Variants in STARD8 observed in about 807,000 individuals in gnomAD.
The protein encoded by STARD8 is StAR related lipid transfer domain containing 8.
STARD8 carries 25 observed loss-of-function variants against 69.4 expected under a neutral mutation model. The ratio of observed to expected loss-of-function variants is 0.36; its 90% CI spans 0.26 to 0.50. The LOEUF (loss-of-function observed/expected upper bound fraction) is 0.50. Among genes scored for constraint, STARD8 ranks in the 20% least tolerant of loss-of-function variants. STARD8 has a pLI of 0.96. For missense variants in STARD8, 921 were observed against 932.5 expected (o/e 0.99, Z 0.16); for synonymous variants, 389 against 374.6 (o/e 1.04, Z -0.45).
intron 1 of STARD8, among the ~76,000 whole-genome samples, chrX:68,659,965 C>T (rs2079633975): frequency 9.0e-6 from 1 of 110,859 alleles, no homozygotes; most frequent in African/African-American, 3.3e-5. Flanking sequence ...ATCAGCATTC[C>T]TTAGGCTATA....
chrX:68,680,743 G>T (rs1395171781), intron 2 of STARD8, among the ~76,000 whole-genome samples: 1 of 110,750 alleles, frequency 9.0e-6, no homozygotes. Context: ...GTGGGGGTGG[G>T]GGCCGCTGTA....
chrX:68,692,981 G>A (rs980778476), intron 2 of STARD8, among the ~76,000 whole-genome samples: 1 of 113,237 alleles, frequency 8.8e-6, no homozygotes, highest in African/African-American at 3.2e-5. Context: ...AGGCCAGAGA[G>A]AAATCAAAGC....
At chrX:68,695,000 G>T (rs2147907161) in intron 2 of STARD8, among the ~76,000 whole-genome samples, 1 of 110,947 alleles carries the variant, frequency 9.0e-6, no homozygotes, top group Admixed American at 9.5e-5. Flanking sequence ...GGGAGGAGGG[G>T]TTAATGAATC....
chrX:68,698,526 G>A (rs770385268), intron 2 of STARD8, among the ~76,000 whole-genome samples: 2 of 110,999 alleles, frequency 1.8e-5, no homozygotes, highest in African/African-American at 3.3e-5. Context: ...AGTGGAGGAG[G>A]ATGCCTTCCT....
At chrX:68,697,779 C>G (rs898767346) in intron 2 of STARD8, among the ~76,000 whole-genome samples, 5 of 112,537 alleles carry the variant, frequency 4.4e-5, no homozygotes, top group Non-Finnish European at 9.4e-5. Flanking sequence ...CCTCTACCCC[C>G]ATGTGGGGCT....
At chrX:68,649,955 C>T (rs1023342868) in intron 1 of STARD8, among the ~76,000 whole-genome samples, 3 of 110,870 alleles carry the variant, frequency 2.7e-5, no homozygotes, top group African/African-American at 9.8e-5. Flanking sequence ...ATGATAATGA[C>T]GAGGGAAGGG....
intron 2 of STARD8, among the ~76,000 whole-genome samples, chrX:68,692,647 C>T (rs1443729784): frequency 8.9e-6 from 1 of 112,230 alleles, no homozygotes; most frequent in African/African-American, 3.2e-5. Context: ...TCATTTGAGG[C>T]CAGGAGTGTG....
intron 2 of STARD8, among the ~76,000 whole-genome samples, chrX:68,669,194 G>A (rs936644555): frequency 9.0e-6 from 1 of 111,230 alleles, no homozygotes; most frequent in Non-Finnish European, 1.9e-5. Flanking sequence ...AAAGGAACCC[G>A]CTTCCTCCAA....
At chrX:68,649,440 T>A (rs1032035774) in intron 1 of STARD8, among the ~76,000 whole-genome samples, 1 of 109,771 alleles carries the variant, frequency 9.1e-6, no homozygotes, top group Non-Finnish European at 1.9e-5. Context: ...ATGGTCCTCA[T>A]CTAGTAGGGG....
At chrX:68,705,802 T>A (rs1436468585) in intron 2 of STARD8, among the ~76,000 whole-genome samples, 1 of 112,507 alleles carries the variant, frequency 8.9e-6, no homozygotes, top group Non-Finnish European at 1.9e-5. Context: ...CCCCACCAAT[T>A]GAGATGACCA....
chrX:68,666,494 C>T (rs751947681), intron 2 of STARD8, among the ~76,000 whole-genome samples: 16 of 112,185 alleles, frequency 1.4e-4, no homozygotes, highest in African/African-American at 5.2e-4. Flanking sequence ...AACCAGAACC[C>T]TTACTAATAA....
intron 2 of STARD8, among the ~76,000 whole-genome samples, chrX:68,699,597 G>A (rs766171862): frequency 5.4e-5 from 6 of 110,765 alleles, no homozygotes; most frequent in Admixed American, 1.9e-4. Flanking sequence ...ACCTTCAAGC[G>A]TCTGCGCTCC....
chrX:68,684,904 T>G (rs7885059), intron 2 of STARD8, among the ~76,000 whole-genome samples: 12,132 of 112,158 alleles, frequency 0.11, 972 homozygotes, highest in African/African-American at 0.28. Context: ...ATGCATTCAT[T>G]CAGTTAGTAA....
At chrX:68,668,914 A>G (rs1325923566) in intron 2 of STARD8, among the ~76,000 whole-genome samples, 3 of 111,890 alleles carry the variant, frequency 2.7e-5, no homozygotes, top group Non-Finnish European at 5.6e-5. Flanking sequence ...CATTTTTCCT[A>G]ATATGTAGTA....
intron 2 of STARD8, among the ~76,000 whole-genome samples, chrX:68,676,615 A>G (rs1466594041): frequency 9.0e-6 from 1 of 111,389 alleles, no homozygotes; most frequent in Non-Finnish European, 1.9e-5. Context: ...CCCACTTTCA[A>G]ATCCCCATCA....
At chrX:68,700,449 G>A (rs2079958070) in intron 2 of STARD8, among the ~76,000 whole-genome samples, 1 of 112,409 alleles carries the variant, frequency 8.9e-6, no homozygotes, top group Non-Finnish European at 1.9e-5. Context: ...GGCAGCCGGG[G>A]CTGACTCGGC....
At chrX:68,698,949 A>T (rs1440732218) in intron 2 of STARD8, among the ~76,000 whole-genome samples, 1 of 111,662 alleles carries the variant, frequency 9.0e-6, no homozygotes, top group Non-Finnish European at 1.9e-5. Flanking sequence ...AGGCCCAGAC[A>T]CTGAATGTTC....
chrX:68,720,528 T>C lies in STARD8; in HGVS notation c.2049+105T>C, dbSNP rs989795888. The C allele has an allele frequency of 6.3e-6, 6 of 956,265 alleles. No individual in the cohort carries two copies. The African/African-American group carries it at 9.9e-5, about 16-fold the overall frequency. The allele number at this position is 956,265 out of a possible 1,213,427, so 78.8% of individuals were successfully genotyped here. On this transcript the variant is annotated intron_variant, in intron 8 of 14. Coordinates refer to ENST00000374599, the MANE Select transcript of STARD8 (RefSeq NM_001142503.3). ...CTGGGGAGAGGAACTGCTCTGGCCT[T>C]CCCCCTCACTTGGGCTGGTCCACCA... is the stretch of plus-strand genomic sequence containing the variant.
chrX:68,658,683 C>CG (rs747798068), intron 1 of STARD8, among the ~76,000 whole-genome samples: 24 of 112,428 alleles, frequency 2.1e-4, no homozygotes, highest in Non-Finnish European at 4.3e-4. Context: ...AGCCAGGGCC[C>CG]GGCCTGCATT....
Sources: gnomAD v4.1 joint callset for allele counts (sites outside exome capture counted in the v4.1 genomes callset) on GRCh38, gnomAD v4.1.1 for gene constraint, MANE v1.5 for transcripts, NCBI Gene and HGNC (gene_info 2026-07-23, HGNC 2026-07-21) for gene names.